The following ADH7 variants were observed in gnomAD, a reference collection of about 807,000 sequenced individuals.
ADH7 encodes alcohol dehydrogenase 7 (class IV), mu or sigma polypeptide.
In ADH7, 41 loss-of-function variants were observed where a neutral mutation model predicts 34.4. That is an observed-to-expected ratio of 1.19 (90% CI 0.93 to 1.55). ADH7 has a LOEUF of 1.55. ADH7 is among the 40% of genes most tolerant of loss of function. The probability of loss-of-function intolerance (pLI) is 0.00; values close to 1 mark genes in which losing one functional copy is unlikely to be tolerated. For missense variants in ADH7, 540 were observed against 461.2 expected (o/e 1.17, Z -1.56); for synonymous variants, 180 against 160.9 (o/e 1.12, Z -0.90).
At position 99,422,010 on chromosome 4, in the gene ADH7, T is replaced by C. The variant is rs529260019; in HGVS notation, c.565-1217A>G. Reference sequence around the variant, plus strand: ...TAAAAAGTCAGGAAACAATCGATGCTCGTGATGCTATGGAGAAATAAGAAC... The same window carrying C: ...TAAAAAGTCAGGAAACAATCGATGCCCGTGATGCTATGGAGAAATAAGAAC... On this transcript the variant is annotated intron_variant, in intron 5 of 8. Coordinates refer to ENST00000437033, the MANE Select transcript of ADH7 (RefSeq NM_000673.7). 7.2e-5 allele frequency among the ~76,000 whole-genome samples: 11 copies of C among 152,342 alleles called. No individual in the cohort carries two copies. In the East Asian group the frequency reaches 1.9e-3, roughly 27 times the overall value.
chr4:99,423,001 A>G (rs1721703463), intron 5 of ADH7, among the ~76,000 whole-genome samples: 1 of 135,402 alleles, frequency 7.4e-6, no homozygotes. Context: ...AGCATTAGGT[A>G]TATCTCCTAA....
At chr4:99,425,818 TC>T (rs1721789703) in intron 5 of ADH7, among the ~76,000 whole-genome samples, 1 of 152,010 alleles carries the variant, frequency 6.6e-6, no homozygotes, top group Admixed American at 6.6e-5. Context: ...AGTAAAGCTC[TC>T]CTCAGCAAAT....
chr4:99,431,855 T>C (rs964427673), intron 1 of ADH7, among the ~76,000 whole-genome samples: 13 of 152,204 alleles, frequency 8.5e-5, no homozygotes, highest in Admixed American at 2.6e-4. Context: ...GGAATACTTA[T>C]GCACTGATGG....
In ADH7 at chr4:99,435,216, T is replaced by G. The variant is rs560021374; in HGVS notation, c.18A>C (p.Lys6Asn). 1 of 1,613,206 alleles carries G rather than the reference T, an allele frequency of 6.2e-7. No individual in the cohort carries two copies. Among genetic ancestry groups the G allele is most frequent in the South Asian group, 1.1e-5 (1 of 90,906 alleles). ...GAGGGGACAGAAATGTTCCACTTAC[T>G]TTTCCAGCAGTGCCCATCCTGTCTT... Reference protein sequence around the residue: MGTAGKVIKCKAAVLW... With the variant: MGTAGNVIKCKAAVLW... The change falls in exon 1 of 9, where the codon AAA (lysine) becomes AAC (asparagine). Residue 6 changes from lysine to asparagine, a missense_variant and splice_region_variant. Coordinates refer to ENST00000437033, the MANE Select transcript of ADH7 (RefSeq NM_000673.7).
At chr4:99,415,288 G>A in intron 8 of ADH7, 190 bp downstream of exon 8, 1 of 592,786 alleles carries the variant, frequency 1.7e-6, no homozygotes, top group South Asian at 1.9e-5. Context: ...CCAGTCTCGG[G>A]CAGTTTTTTT....
chr4:99,423,922 C>A (rs1352328936), intron 5 of ADH7, among the ~76,000 whole-genome samples: 1 of 151,792 alleles, frequency 6.6e-6, no homozygotes, highest in Non-Finnish European at 1.5e-5. Flanking sequence ...GTTGCCATTG[C>A]TTTTGGTGTT....
At position 99,417,339 on chromosome 4, in the gene ADH7, C is replaced by T. The variant is rs571824794; in HGVS notation, c.961+1647G>A. The stretch of plus-strand genomic sequence containing the variant: ...CTGTCCTCACTCTGTTGTAGCCATA[C>T]TGACCTTTTCCCCGTTCTTATGGTT... On this transcript the variant is annotated intron_variant, in intron 7 of 8. Coordinates refer to ENST00000437033, the MANE Select transcript of ADH7 (RefSeq NM_000673.7). Among the ~76,000 whole-genome samples the T allele has an allele frequency of 1.7e-3, 264 of 152,302 alleles. 2 individuals carry two copies. Among genetic ancestry groups the T allele is most frequent in the African/African-American group, 5.9e-3 (246 of 41,572 alleles).
chr4:99,434,073 A>G (rs1192875395), intron 1 of ADH7, among the ~76,000 whole-genome samples: 1 of 152,158 alleles, frequency 6.6e-6, no homozygotes, highest in Non-Finnish European at 1.5e-5. Flanking sequence ...TTTATATATT[A>G]TATACTGTAT....
chr4:99,434,302 T>C (rs1013258293), intron 1 of ADH7, among the ~76,000 whole-genome samples: 1 of 152,186 alleles, frequency 6.6e-6, no homozygotes, highest in Non-Finnish European at 1.5e-5. Flanking sequence ...ACTTCCCAAG[T>C]AATCTAGTTT....
intron 1 of ADH7, chr4:99,430,328 C>T (rs74491575): frequency 1.3e-5 from 2 of 152,090 alleles, no homozygotes; most frequent in African/African-American, 4.8e-5. Flanking sequence ...TGTGGAGATA[C>T]CAGTGACTGG....
chr4:99,435,146 T>G (rs1166912262), intron 1 of ADH7, 70 bp downstream of exon 1: 2 of 1,579,310 alleles, frequency 1.3e-6, no homozygotes, highest in Non-Finnish European at 1.7e-6. Context: ...CTTTAATGGA[T>G]TCAAAGTTCT....
chr4:99,417,643 A>G (rs764292079), intron 7 of ADH7, among the ~76,000 whole-genome samples: 3 of 152,016 alleles, frequency 2.0e-5, no homozygotes, highest in Non-Finnish European at 2.9e-5. Context: ...GAGGATTCTC[A>G]CACTTCCTGA....
chr4:99,426,404 A>G lies in ADH7; in HGVS notation c.564+1369T>C, dbSNP rs570399669. Among the ~76,000 whole-genome samples, 276 of 152,344 alleles carry G rather than the reference A, an allele frequency of 1.8e-3. 3 individuals are homozygous for G. The highest frequency in any genetic ancestry group is 6.4e-3 in the African/African-American group (268 of 41,582). On this transcript the variant is annotated intron_variant, in intron 5 of 8. Coordinates refer to ENST00000437033, the MANE Select transcript of ADH7 (RefSeq NM_000673.7). ...TCACCACCAATCCCACAGAAATACAAACTACCATCAGAGAATACTACAAAC... is the reference window on the plus strand; with the variant it reads ...TCACCACCAATCCCACAGAAATACAGACTACCATCAGAGAATACTACAAAC...
chr4:99,420,897 C>T, intron 5 of ADH7, 104 bp from the exon 6 acceptor site: 1 of 1,012,982 alleles, frequency 9.9e-7, no homozygotes, highest in South Asian at 1.6e-5. Flanking sequence ...AACTCCCATT[C>T]ACAATTGCTA....
At chr4:99,431,726 A>C (rs1197153711) in intron 1 of ADH7, among the ~76,000 whole-genome samples, 3 of 152,228 alleles carry the variant, frequency 2.0e-5, no homozygotes, top group Non-Finnish European at 4.4e-5. Context: ...AAAAATACTC[A>C]ACATCACTAA....
At chr4:99,414,272 G>A (rs561832506) in intron 8 of ADH7, among the ~76,000 whole-genome samples, 5 of 151,994 alleles carry the variant, frequency 3.3e-5, no homozygotes, top group Non-Finnish European at 7.4e-5. Flanking sequence ...GATCCTGTAG[G>A]CTAGACCAAA....
At position 99,419,224 on chromosome 4, in the gene ADH7, T is replaced by C; in HGVS notation, c.826-103A>G. The C allele has an allele frequency of 8.1e-6, 11 of 1,356,378 alleles. No homozygotes were observed. The South Asian group carries it at 1.4e-4, about 18-fold the overall frequency. 84.0% of individuals were successfully genotyped at this position (1,356,378 alleles called of 1,614,324 possible). ...CTATGACAAAGTCATGAAATTAAAT[T>C]AAGCCACCTTGTTTTTTACTTGCTT... On this transcript the variant is annotated intron_variant, in intron 6 of 8. Transcript: ENST00000437033.
At chr4:99,423,545 T>C (rs1721722130) in intron 5 of ADH7, among the ~76,000 whole-genome samples, 1 of 151,900 alleles carries the variant, frequency 6.6e-6, no homozygotes, top group African/African-American at 2.4e-5. Flanking sequence ...ACTTGTTGTT[T>C]CCTGACTTTT....
intron 2 of ADH7, among the ~76,000 whole-genome samples, chr4:99,429,007 A>G (rs1315810358): frequency 6.6e-6 from 1 of 152,212 alleles, no homozygotes. Flanking sequence ...GTAAGCAAAG[A>G]GCAAAATCTT....
Sources: gnomAD v4.1 joint callset for allele counts (sites outside exome capture counted in the v4.1 genomes callset) on GRCh38, gnomAD v4.1.1 for gene constraint, MANE v1.5 for transcripts, NCBI Gene and HGNC (gene_info 2026-07-23, HGNC 2026-07-21) for gene names.